Variants in ITIH3 observed in about 807,000 individuals in gnomAD.
ITIH3 encodes the protein inter-alpha-trypsin inhibitor heavy chain H3.
ITIH3 carries 81 observed loss-of-function variants against 96.5 expected under a neutral mutation model. The observed-to-expected ratio is 0.84, with a 90% CI of 0.70 to 1.01. ITIH3 has a LOEUF of 1.01. ITIH3 is among the 50% of genes least tolerant of loss of function. The pLI is 0.00. For synonymous variants in ITIH3, 422 were observed against 445.2 expected, an observed-to-expected ratio of 0.95 and a Z score of 0.66; for missense variants, 1,057 against 1,139.3, an observed-to-expected ratio of 0.93 and a Z score of 1.04.
rs373075211 is a variant in ITIH3, at chr3:52,808,553, G to C, written c.2545G>C (p.Gly849Arg). 6.2e-7 allele frequency: 1 copy of C among 1,613,538 alleles called. No individual in the cohort carries two copies. The highest frequency in any genetic ancestry group is 1.1e-5 in the South Asian group (1 of 91,044). Residue 849 changes from glycine to arginine, a missense_variant and splice_region_variant, in exon 22 of 22, where the codon GGC (glycine) becomes CGC (arginine). Transcript: ENST00000449956. Reference sequence around the variant, plus strand: ...GCAGCATCTCTCTTCTTTCCCCAGGGGCTCCCAGAAAGACTACAGAAAGGA... The same window carrying C: ...GCAGCATCTCTCTTCTTTCCCCAGGCGCTCCCAGAAAGACTACAGAAAGGA... ...VKNHQLIVTRGSQKDYRKDAS... is the reference protein window; with the variant it reads ...VKNHQLIVTRRSQKDYRKDAS...
At position 52,796,746 on chromosome 3, in the gene ITIH3, G is replaced by C. The variant is rs769216560; in HGVS notation, c.289G>C (p.Asp97His). 3.1e-6 allele frequency: 5 copies of C among 1,611,266 alleles called. No homozygotes were observed. Among genetic ancestry groups the C allele is most frequent in the Non-Finnish European group, 4.2e-6 (5 of 1,178,734 alleles). The change falls in exon 4 of 22, where the codon GAC becomes CAC. Residue 97 changes from aspartate (D) to histidine (H), a missense_variant. Coordinates refer to ENST00000449956, the MANE Select transcript of ITIH3 (RefSeq NM_002217.4). Reference protein sequence around the residue: ...AFITNFTLTIDGVTYPGNVKE... With the variant: ...AFITNFTLTIHGVTYPGNVKE... ...AACTCTCTTTCCCTGCAGGACCATC[G>C]ACGGTGTTACCTACCCTGGGAATGT...
intron 13 of ITIH3, among the ~76,000 whole-genome samples, chr3:52,803,016 G>T (rs1699895435): frequency 6.6e-6 from 1 of 152,230 alleles, no homozygotes; most frequent in South Asian, 2.1e-4. Flanking sequence ...AGCAGCCTGG[G>T]AGTGCCCCGG....
rs1700111386 is a variant in ITIH3, at chr3:52,807,825, G to C, written c.2340G>C (p.Gln780His). The C allele has an allele frequency of 6.2e-7, 1 of 1,611,664 alleles. No homozygotes were observed. Among genetic ancestry groups the C allele is most frequent in the Admixed American group, 1.7e-5 (1 of 59,664 alleles). Residue 780 changes from glutamine (Q) to histidine (H), a missense_variant, in exon 20 of 22, where the codon CAG becomes CAC. By Grantham distance (24) the Gln-to-His change is conservative. Transcript: ENST00000449956. ...DGVTFVVVLH[Q>H]VWKKHPVHRD... is the part of the protein sequence containing the mutation. ...TTACCTTCGTGGTCGTCCTACACCAGGTGTGGAAGAAACATCCTGTCCACC... is the reference window on the plus strand; with the variant it reads ...TTACCTTCGTGGTCGTCCTACACCACGTGTGGAAGAAACATCCTGTCCACC...
chr3:52,807,663 AG>A, intron 19 of ITIH3, 83 bp from the exon 20 acceptor site: 1 of 1,333,558 alleles, frequency 7.5e-7, no homozygotes, highest in Non-Finnish European at 1.0e-6. Flanking sequence ...TGTACAGGGG[AG>A]GCCCCACCAA....
intron 2 of ITIH3, chr3:52,796,067 A>C: frequency 4.4e-6 from 1 of 228,336 alleles, no homozygotes; most frequent in Non-Finnish European, 8.5e-6. Context: ...GGGAGACAGA[A>C]TGAGGCAATT....
At position 52,799,853 on chromosome 3, in the gene ITIH3, T is replaced by C. The variant is rs1699752254; in HGVS notation, c.1007T>C (p.Leu336Ser). 1.2e-6 allele frequency: 2 copies of C among 1,613,910 alleles called. No individual in the cohort carries two copies. The highest frequency in any genetic ancestry group is 1.7e-6 in the Non-Finnish European group (2 of 1,179,806). ...SGDVSTWKEH[L>S]VQATPENLQE... ...GATGTGTCCACATGGAAAGAGCACT[T>C]AGTCCAGGCCACGCCCGAGAACCTC... Residue 336 changes from leucine to serine, a missense_variant, in exon 9 of 22, where the codon TTA becomes TCA. Coordinates refer to ENST00000449956, the MANE Select transcript of ITIH3 (RefSeq NM_002217.4).
At chr3:52,807,220 C>A in intron 19 of ITIH3, 115 bp downstream of exon 19, 1 of 909,102 alleles carries the variant, frequency 1.1e-6, no homozygotes, top group Non-Finnish European at 1.7e-6. Context: ...CAGGAAAGAT[C>A]AGAGACCCCA....
chr3:52,800,736 C>T, intron 10 of ITIH3, 73 bp downstream of exon 10: 1 of 1,557,564 alleles, frequency 6.4e-7, no homozygotes. Flanking sequence ...GTAGCTGGCT[C>T]ATTGGAAAAC....
intron 19 of ITIH3, 30 bp downstream of exon 19, chr3:52,807,135 G>T (rs776283925): frequency 5.8e-6 from 9 of 1,548,576 alleles, no homozygotes; most frequent in Middle Eastern, 1.9e-4. Flanking sequence ...CTCCAAGGTG[G>T]ACTACAGGGT....
In ITIH3 at chr3:52,804,150, T is replaced by C. The variant is rs796312887; in HGVS notation, c.1864+141T>C. ...ATCTGAAGGAAAACTGGCCACGGGATGGGGAAAGTGGGGTGGAGCGTGAAG... is the reference window on the plus strand; with the variant it reads ...ATCTGAAGGAAAACTGGCCACGGGACGGGGAAAGTGGGGTGGAGCGTGAAG... On this transcript the variant is annotated intron_variant, in intron 14 of 21. Coordinates refer to ENST00000449956, the MANE Select transcript of ITIH3 (RefSeq NM_002217.4). The C allele has an allele frequency of 9.9e-6, 8 of 809,996 alleles. No homozygotes were observed. The African/African-American group carries it at 1.4e-4, about 14-fold the overall frequency. 50.2% of individuals were successfully genotyped at this position (809,996 alleles called of 1,614,324 possible). A position where few individuals can be genotyped will look rare whatever the true frequency, so the allele number is the denominator to read the frequency against.
Position 52,794,907 on chromosome 3 carries a change from C to A in ITIH3, c.93+11C>A. 1 of 1,606,896 alleles carries A rather than the reference C, an allele frequency of 6.2e-7. No individual in the cohort carries two copies. The highest frequency in any genetic ancestry group is 1.1e-5 in the South Asian group (1 of 90,956). ...TTTCGGCTGCTTGGGGTGAGTCTGC[C>A]CCCTCTTTGCCATCTGGGTCTTGGT... On this transcript the variant is annotated intron_variant, in intron 1 of 21. Transcript: ENST00000449956.
At chr3:52,807,577 G>A (rs1416244857) in intron 19 of ITIH3, among the ~76,000 whole-genome samples, 170 bp from the exon 20 acceptor site, 1 of 152,236 alleles carries the variant, frequency 6.6e-6, no homozygotes, top group Admixed American at 6.5e-5. Context: ...CACGGGAGGG[G>A]AGACAGTGTG....
In ITIH3 at chr3:52,798,994, A is replaced by G. The variant is rs1215462471; in HGVS notation, c.692A>G (p.Asp231Gly). 6.2e-7 allele frequency: 1 copy of G among 1,613,602 alleles called. No homozygotes were observed. Residue 231 changes from aspartate (D) to glycine (G), a missense_variant, in exon 7 of 22, where the codon GAC becomes GGC. Asp to Gly is a moderately conservative substitution (Grantham distance 94). Transcript: ENST00000449956. ...KGHVSFKPSL[D>G]QQRSCPTCTD... is the part of the protein sequence containing the mutation. The stretch of plus-strand genomic sequence containing the variant: ...CATGTGTCCTTCAAGCCCAGCTTAG[A>G]CCAACAGCGTTCATGCCCAACCTGT...
intron 16 of ITIH3, 79 bp from the exon 17 acceptor site, chr3:52,806,024 G>C: frequency 1.3e-6 from 2 of 1,533,158 alleles, no homozygotes. Flanking sequence ...AGGGGCATAA[G>C]CTGAACTCCT....
chr3:52,799,403 C>T lies in ITIH3; in HGVS notation c.821C>T (p.Ala274Val). The T allele has an allele frequency of 1.2e-6, 2 of 1,607,826 alleles. No individual in the cohort carries two copies. Among genetic ancestry groups the T allele is most frequent in the Non-Finnish European group, 1.7e-6 (2 of 1,177,288 alleles). ...IVNGYFVHFF[A>V]PQGLPVVPKN... is the part of the protein sequence containing the mutation. ...AATGGCTACTTCGTGCACTTCTTTGCACCTCAAGGCCTTCCAGTGGTGCCT... is the reference window on the plus strand; with the variant it reads ...AATGGCTACTTCGTGCACTTCTTTGTACCTCAAGGCCTTCCAGTGGTGCCT... The change falls in exon 8 of 22, where the codon GCA (alanine) becomes GTA (valine). Residue 274 changes from alanine (A) to valine (V), a missense_variant. Coordinates refer to ENST00000449956, the MANE Select transcript of ITIH3 (RefSeq NM_002217.4).
chr3:52,794,998 C>T, intron 1 of ITIH3, 102 bp downstream of exon 1: 1 of 958,254 alleles, frequency 1.0e-6, no homozygotes, highest in Admixed American at 1.8e-5. Context: ...AGGCAGAGGG[C>T]TGGGCACTGA....
At chr3:52,805,408 C>A in intron 15 of ITIH3, 1 of 1,053,946 alleles carries the variant, frequency 9.5e-7, no homozygotes, top group Non-Finnish European at 1.2e-6. Flanking sequence ...CATATGTGTG[C>A]GCCTGTGTGC....
At chr3:52,804,593 TG>T in intron 14 of ITIH3, 132 bp from the exon 15 acceptor site, 1 of 877,358 alleles carries the variant, frequency 1.1e-6, no homozygotes, top group Non-Finnish European at 1.8e-6. Flanking sequence ...GGACACCCAG[TG>T]GGGGAAGAGC....
chr3:52,805,604 A>C, intron 15 of ITIH3: 1 of 1,390,330 alleles, frequency 7.2e-7, no homozygotes, highest in East Asian at 2.7e-5. Context: ...CGTTAAAATC[A>C]CATCCCATTG....
Sources: allele counts gnomAD v4.1 joint callset (sites outside exome capture counted in the v4.1 genomes callset), GRCh38; gene constraint gnomAD v4.1.1; transcripts MANE v1.5; gene names NCBI Gene and HGNC (gene_info 2026-07-23, HGNC 2026-07-21).